The following ATP1A1 variants were observed in gnomAD, a reference collection of about 807,000 sequenced individuals.
ATP1A1 encodes sodium/potassium-transporting ATPase subunit alpha-1.
In ATP1A1, 14 loss-of-function variants were observed where a neutral mutation model predicts 114.8. The ratio of observed to expected loss-of-function variants is 0.12; its 90% CI spans 0.08 to 0.19. The LOEUF (loss-of-function observed/expected upper bound fraction) is 0.19, where lower values mean the gene tolerates loss of function less well. ATP1A1 is among the 10% of genes least tolerant of loss of function. The probability of loss-of-function intolerance (pLI) is 1.00; values close to 1 mark genes in which losing one functional copy is unlikely to be tolerated. For missense variants in ATP1A1, 524 were observed against 1,290.7 expected (o/e 0.41, Z 9.10); for synonymous variants, 471 against 466.3 (o/e 1.01, Z -0.13).
At chr1:116,374,386 A>C in intron 1 of ATP1A1, 1 of 1,200,902 alleles carries the variant, frequency 8.3e-7, no homozygotes, top group Non-Finnish European at 1.2e-6. Context: ...CAGACCCACC[A>C]GGGCCTCAGG....
intron 3 of ATP1A1, chr1:116,386,108 A>G (rs1478292489): frequency 1.4e-5 from 2 of 146,964 alleles, no homozygotes; most frequent in Admixed American, 1.4e-4. Flanking sequence ...CCTGGACAAC[A>G]AGAGTGAAAC....
chr1:116,384,817 G>T lies in ATP1A1; in HGVS notation c.158G>T (p.Arg53Leu), dbSNP rs369738549. Reference protein sequence around the residue: ...DHKLSLDELHRKYGTDLSRGL... With the variant: ...DHKLSLDELHLKYGTDLSRGL... The stretch of plus-strand genomic sequence containing the variant: ...AAACTTAGCCTTGATGAACTTCATC[G>T]TAAATATGGAACAGACTTGAGCCGG... The change falls in exon 3 of 23, where the codon CGT becomes CTT. Residue 53 changes from arginine (R) to leucine (L), a missense_variant. Around this residue, in one of 8 missense-constraint regions of ATP1A1, gnomAD observed 141 missense variants for 316.6 expected, o/e 0.45. Transcript: ENST00000295598. This position sits in a 1 kb window ranked among gnomAD's most constrained non-coding sequence, Gnocchi z 5.1. The T allele has an allele frequency of 5.6e-6, 9 of 1,612,694 alleles. No individual in the cohort carries two copies.
At chr1:116,375,137 G>GA (rs1354720839) in intron 1 of ATP1A1, among the ~76,000 whole-genome samples, 2 of 152,104 alleles carry the variant, frequency 1.3e-5, no homozygotes, top group East Asian at 3.8e-4. Context: ...AAAAGAAAAA[G>GA]AAAAAAGTTT....
chr1:116,401,047 C>G lies in ATP1A1; in HGVS notation c.2718+41C>G. 1 of 1,613,072 alleles carries G rather than the reference C, an allele frequency of 6.2e-7. No homozygotes were observed. Among genetic ancestry groups the G allele is most frequent in the Non-Finnish European group, 8.5e-7 (1 of 1,179,086 alleles). On this transcript the variant is annotated intron_variant, in intron 19 of 22. Coordinates refer to ENST00000295598, the MANE Select transcript of ATP1A1 (RefSeq NM_000701.8). The surrounding 1 kb of genome is among the most constrained non-coding windows in gnomAD (Gnocchi z 4.7). ...TGACCTGACCAGTGTCAGAGCTCCT[C>G]AAGCCCCAGAAGACTGAGGCCACAC...
rs947879156 is a variant in ATP1A1 at position 116,404,708 on chromosome 1, C to T, written c.*264C>T. On this transcript the variant is annotated 3_prime_UTR_variant, in exon 23 of 23. Transcript: ENST00000295598. The surrounding 1 kb of genome is among the most constrained non-coding windows in gnomAD (Gnocchi z 4.8). ...TTTGTTTTTGTAAAAAAGGAACACC[C>T]GGAAAGACTGAAAGAATACATTTTA... The T allele has an allele frequency of 2.4e-6, 3 of 1,263,966 alleles. No individual in the cohort carries two copies. Among genetic ancestry groups the T allele is most frequent in the Middle Eastern group, 3.0e-4 (1 of 3,336 alleles). 78.3% of individuals were successfully genotyped at this position (1,263,966 alleles called of 1,614,324 possible). A position where few individuals can be genotyped will look rare whatever the true frequency, so the allele number is the denominator to read the frequency against.
Position 116,399,549 on chromosome 1 carries a change from C to G in ATP1A1, c.2572+6C>G. The G allele has an allele frequency of 1.2e-6, 2 of 1,613,836 alleles. No individual in the cohort carries two copies. Among genetic ancestry groups the G allele is most frequent in the Admixed American group, 1.7e-5 (1 of 59,982 alleles). ...CATGGCCTATGGGCAGATTGGTAAGCTGCAGCCTGGAGTGGGAAGCTGGCA... is the reference window on the plus strand; with the variant it reads ...CATGGCCTATGGGCAGATTGGTAAGGTGCAGCCTGGAGTGGGAAGCTGGCA... On this transcript the variant is annotated splice_donor_region_variant and intron_variant, in intron 18 of 22. Coordinates refer to ENST00000295598, the MANE Select transcript of ATP1A1 (RefSeq NM_000701.8). This position sits in a 1 kb window ranked among gnomAD's most constrained non-coding sequence, Gnocchi z 5.0.
chr1:116,379,519 CTACT>C (rs149171844), intron 1 of ATP1A1, among the ~76,000 whole-genome samples: 1,537 of 152,294 alleles, frequency 0.01, 14 homozygotes, highest in Non-Finnish European at 0.015. Flanking sequence ...ATAAACTAAA[CTACT>C]TAGTCATTTA....
Position 116,397,803 on chromosome 1 carries a change from G to A in ATP1A1, c.1974-85G>A. ...CTTTGTTTTGTTTACAAAGTGATCTGCATAAGAATATCCCCTCTTGAGGTG... is the reference window on the plus strand; with the variant it reads ...CTTTGTTTTGTTTACAAAGTGATCTACATAAGAATATCCCCTCTTGAGGTG... On this transcript the variant is annotated intron_variant, in intron 14 of 22. Coordinates refer to ENST00000295598, the MANE Select transcript of ATP1A1 (RefSeq NM_000701.8). The surrounding 1 kb of genome is among the most constrained non-coding windows in gnomAD (Gnocchi z 4.2). The A allele has an allele frequency of 6.8e-7, 1 of 1,480,210 alleles. No homozygotes were observed. Among genetic ancestry groups the A allele is most frequent in the Non-Finnish European group, 9.1e-7 (1 of 1,097,242 alleles). 91.7% of individuals were successfully genotyped at this position (1,480,210 alleles called of 1,614,324 possible).
At chr1:116,390,054 G>T (rs1652342884) in intron 8 of ATP1A1, 159 bp from the exon 9 acceptor site, 5 of 764,058 alleles carry the variant, frequency 6.5e-6, no homozygotes, top group Non-Finnish European at 1.1e-5. Context: ...GGAAGGGGAA[G>T]CCTCATGTAT....
At chr1:116,386,371 C>T (rs1353709035) in intron 3 of ATP1A1, among the ~76,000 whole-genome samples, 3 of 151,930 alleles carry the variant, frequency 2.0e-5, no homozygotes, top group South Asian at 4.2e-4. Flanking sequence ...TCAAATGCTG[C>T]GGGTCTATTT....
chr1:116,390,013 T>C (rs528781790), intron 8 of ATP1A1, 200 bp from the exon 9 acceptor site: 2 of 672,730 alleles, frequency 3.0e-6, no homozygotes, highest in South Asian at 2.0e-5. Context: ...AATCCTGTTA[T>C]TATTTTTCTT....
Position 116,393,817 on chromosome 1 carries a change from A to G in ATP1A1, c.1660+94A>G, listed in dbSNP as rs1652672205. 2.6e-5 allele frequency: 33 copies of G among 1,272,580 alleles called. No individual in the cohort carries two copies. In the South Asian group the frequency reaches 4.9e-4, roughly 19 times the overall value. 78.8% of individuals were successfully genotyped at this position (1,272,580 alleles called of 1,614,324 possible). ...TTAACAAGTGATCCTATGAACCTCT[A>G]TGTCTTGTTGACCTTCCTCTACATC... is the stretch of plus-strand genomic sequence containing the variant. On this transcript the variant is annotated intron_variant, in intron 12 of 22. Coordinates refer to ENST00000295598, the MANE Select transcript of ATP1A1 (RefSeq NM_000701.8). This position sits in a 1 kb window ranked among gnomAD's most constrained non-coding sequence, Gnocchi z 5.0.
In ATP1A1 at chr1:116,387,576, A is replaced by G. The variant is rs1652183201; in HGVS notation, c.387+85A>G. On this transcript the variant is annotated intron_variant, in intron 4 of 22. Transcript: ENST00000295598. This position sits in a 1 kb window ranked among gnomAD's most constrained non-coding sequence, Gnocchi z 6.7. Reference sequence around the variant, plus strand: ...TGTCTCCCACTTCTTCTCAATTACCACTCATTACTTAATGGTTATGAACTC... The same window carrying G: ...TGTCTCCCACTTCTTCTCAATTACCGCTCATTACTTAATGGTTATGAACTC... The G allele has an allele frequency of 2.8e-6, 4 of 1,413,560 alleles. No homozygotes were observed. In the South Asian group the frequency reaches 3.8e-5, roughly 13 times the overall value. The allele number at this position is 1,413,560 out of a possible 1,614,324, so 87.6% of individuals were successfully genotyped here.
chr1:116,399,156 T>C lies in ATP1A1; in HGVS notation c.2448+72T>C. On this transcript the variant is annotated intron_variant, in intron 17 of 22. Transcript: ENST00000295598. The surrounding 1 kb of genome is among the most constrained non-coding windows in gnomAD (Gnocchi z 5.0). Reference sequence around the variant, plus strand: ...GTGTCTTCATTCACTGGCACTATGCTCCCAGCATCCATGAGGCTGGCGTTG... The same window carrying C: ...GTGTCTTCATTCACTGGCACTATGCCCCCAGCATCCATGAGGCTGGCGTTG... 6.3e-7 allele frequency: 1 copy of C among 1,597,018 alleles called. No homozygotes were observed. Among genetic ancestry groups the C allele is most frequent in the Non-Finnish European group, 8.6e-7 (1 of 1,167,050 alleles).
At chr1:116,402,556 C>A (rs1402611380) in intron 21 of ATP1A1, among the ~76,000 whole-genome samples, 3 of 152,224 alleles carry the variant, frequency 2.0e-5, no homozygotes, top group African/African-American at 4.8e-5. Context: ...CAGACATCGT[C>A]TGTGGTGCAA....
Position 116,399,112 on chromosome 1 carries a change from T to A in ATP1A1, c.2448+28T>A, listed in dbSNP as rs779747462. The A allele has an allele frequency of 3.1e-5, 50 of 1,613,766 alleles. No individual in the cohort carries two copies. In the East Asian group the frequency reaches 9.6e-4, roughly 31 times the overall value. On this transcript the variant is annotated intron_variant, in intron 17 of 22. Coordinates refer to ENST00000295598, the MANE Select transcript of ATP1A1 (RefSeq NM_000701.8). This position sits in a 1 kb window ranked among gnomAD's most constrained non-coding sequence, Gnocchi z 5.0. ...GAGTGTCACAACAGTCACAGATCGA[T>A]AGTAGTGAGGTGTGAGCTGTGTCTT...
At position 116,404,498 on chromosome 1, in the gene ATP1A1, C is replaced by A; in HGVS notation, c.*54C>A. On this transcript the variant is annotated 3_prime_UTR_variant, in exon 23 of 23. Transcript: ENST00000295598. The surrounding 1 kb of genome is among the most constrained non-coding windows in gnomAD (Gnocchi z 4.8). ...AGGCCACACACTCTGCATCCGACAC[C>A]CACCCCCTCTTTGTGTACTTCAGTC... 6.4e-7 allele frequency: 1 copy of A among 1,573,310 alleles called. No homozygotes were observed. The highest frequency in any genetic ancestry group is 8.6e-7 in the Non-Finnish European group (1 of 1,165,226).
rs1190176386 is a variant in ATP1A1 at position 116,401,520 on chromosome 1, C to G, written c.2850-34C>G. ...TTAGAAGATAAACCTTTATTTGCAC[C>G]TTTTAAGTTTTTTCTCCCCTACTTT... is the stretch of plus-strand genomic sequence containing the variant. On this transcript the variant is annotated intron_variant, in intron 20 of 22. Coordinates refer to ENST00000295598, the MANE Select transcript of ATP1A1 (RefSeq NM_000701.8). This position sits in a 1 kb window ranked among gnomAD's most constrained non-coding sequence, Gnocchi z 4.7. The G allele has an allele frequency of 3.1e-6, 5 of 1,602,454 alleles. No homozygotes were observed. Among genetic ancestry groups the G allele is most frequent in the Admixed American group, 1.7e-5 (1 of 59,868 alleles).
At position 116,389,020 on chromosome 1, in the gene ATP1A1, G is replaced by GT; in HGVS notation, c.754+2dup. 6.2e-7 allele frequency: 1 copy of GT among 1,612,976 alleles called. No homozygotes were observed. The highest frequency in any genetic ancestry group is 2.2e-5 in the East Asian group (1 of 44,898). On this transcript the variant is annotated splice_donor_variant, in intron 7 of 22. Transcript: ENST00000295598. LOFTEE classifies it high-confidence loss of function. This position sits in a 1 kb window ranked among gnomAD's most constrained non-coding sequence, Gnocchi z 6.9. Reference sequence around the variant, plus strand: ...TTCTTTTCAACCAATTGTGTTGAAGGTAGGCCATTTTTGGGCACTTTGAGC... The same window carrying GT: ...TTCTTTTCAACCAATTGTGTTGAAGGTTAGGCCATTTTTGGGCACTTTGAGC...
Sources: allele counts gnomAD v4.1 joint callset (sites outside exome capture counted in the v4.1 genomes callset), GRCh38; gene constraint gnomAD v4.1.1; regional missense constraint gnomAD v4.1.1; non-coding constraint Gnocchi (gnomAD v3.1); transcripts MANE v1.5; gene names NCBI Gene and HGNC (gene_info 2026-07-23, HGNC 2026-07-21).